ASIC2: variants seen among roughly 807,000 people sequenced by gnomAD.
ASIC2 encodes acid-sensing ion channel 2.
In ASIC2, 25 loss-of-function variants were observed where a neutral mutation model predicts 57.3. The ratio of observed to expected loss-of-function variants is 0.44; its 90% CI spans 0.32 to 0.61. ASIC2 has a LOEUF of 0.61. Ranked by LOEUF, ASIC2 falls within the 20% of genes least tolerant of loss-of-function variation. The pLI, the probability that ASIC2 is intolerant of heterozygous loss-of-function variation, is 0.06. For missense variants in ASIC2, 641 were observed against 738.1 expected (o/e 0.87, Z 1.52); for synonymous variants, 319 against 307.5 (o/e 1.04, Z -0.39).
chr17:33,931,362 A>G (rs1346382633), intron 1 of ASIC2: 3 of 152,210 alleles, frequency 2.0e-5, no homozygotes, highest in Non-Finnish European at 2.9e-5. Context: ...ATGCTTTTCC[A>G]TACAATGTCT....
At chr17:33,870,029 G>T (rs942199336) in intron 1 of ASIC2, among the ~76,000 whole-genome samples, 1 of 152,134 alleles carries the variant, frequency 6.6e-6, no homozygotes. Flanking sequence ...GACACAGGGA[G>T]CATAGCAGAA....
At chr17:33,194,763 C>A (rs1490679081) in intron 1 of ASIC2, among the ~76,000 whole-genome samples, 1 of 152,160 alleles carries the variant, frequency 6.6e-6, no homozygotes, top group Non-Finnish European at 1.5e-5. Flanking sequence ...AAAACCAAGA[C>A]CACTGGCAAA....
chr17:33,745,514 CAA>C (rs34946574), intron 1 of ASIC2, among the ~76,000 whole-genome samples: 4 of 135,986 alleles, frequency 2.9e-5, no homozygotes, highest in African/African-American at 2.8e-5. Flanking sequence ...AAGTCAAAGT[CAA>C]AAAAAAAAAA....
rs1044093973 is a variant in ASIC2 at position 33,881,600 on chromosome 17, T to G, written c.555+274378A>C. 8.1e-4 allele frequency among the ~76,000 whole-genome samples: 123 copies of G among 152,046 alleles called. 2 individuals carry two copies. Among genetic ancestry groups the G allele is most frequent in the Middle Eastern group, 3.4e-3 (1 of 290 alleles). ...AGGAGAACTACAAACCACTGCTCAA[T>G]GAAATAAAAGAGGATACAAACAAAT... is the stretch of plus-strand genomic sequence containing the variant. On this transcript the variant is annotated intron_variant, in intron 1 of 9. Transcript: ENST00000359872.
chr17:33,457,046 A>T (rs538141707), intron 1 of ASIC2, among the ~76,000 whole-genome samples: 28 of 152,320 alleles, frequency 1.8e-4, no homozygotes, highest in African/African-American at 6.5e-4. Context: ...TAATTTCTTT[A>T]AGCTTCAGTT....
At chr17:33,852,516 A>T (rs1333086753) in intron 1 of ASIC2, among the ~76,000 whole-genome samples, 1 of 151,730 alleles carries the variant, frequency 6.6e-6, no homozygotes, top group African/African-American at 2.4e-5. Context: ...ATTTTACATG[A>T]TCTTAATCCA....
intron 1 of ASIC2, among the ~76,000 whole-genome samples, chr17:33,283,288 G>A (rs1458664798): frequency 6.6e-6 from 1 of 151,990 alleles, no homozygotes; most frequent in Non-Finnish European, 1.5e-5. Context: ...GCATTCACAG[G>A]GCTTCCAGGA....
At chr17:33,075,686 C>T (rs2092086508) in intron 3 of ASIC2, among the ~76,000 whole-genome samples, 1 of 152,178 alleles carries the variant, frequency 6.6e-6, no homozygotes, top group Non-Finnish European at 1.5e-5. Context: ...TGGGGGCTCA[C>T]TTCAATTCCA....
intron 1 of ASIC2, among the ~76,000 whole-genome samples, chr17:33,314,125 A>G (rs1354395098): frequency 6.6e-6 from 1 of 152,138 alleles, no homozygotes; most frequent in African/African-American, 2.4e-5. Flanking sequence ...CTTTGTGTCT[A>G]TACTCTTTGT....
intron 1 of ASIC2, among the ~76,000 whole-genome samples, chr17:33,126,817 C>T (rs2092324759): frequency 6.6e-6 from 1 of 150,676 alleles, no homozygotes. Context: ...AGACTTATGC[C>T]ACATGTCAGG....
intron 1 of ASIC2, among the ~76,000 whole-genome samples, chr17:33,754,053 A>G (rs1910513243): frequency 6.6e-6 from 1 of 152,120 alleles, no homozygotes; most frequent in African/African-American, 2.4e-5. Context: ...TCAATTTTAA[A>G]AACAAAAAAT....
intron 1 of ASIC2, among the ~76,000 whole-genome samples, chr17:34,147,823 T>C (rs533420703): frequency 3.4e-4 from 52 of 152,250 alleles, no homozygotes; most frequent in African/African-American, 1.2e-3. Context: ...ACTCAGGTGG[T>C]ATCGTTTTAG....
intron 1 of ASIC2, among the ~76,000 whole-genome samples, chr17:33,385,788 G>C (rs1282153260): frequency 6.6e-6 from 1 of 152,186 alleles, no homozygotes; most frequent in African/African-American, 2.4e-5. Flanking sequence ...CACAAACTCT[G>C]CAGTTTGTGT....
intron 1 of ASIC2, among the ~76,000 whole-genome samples, chr17:33,434,342 T>C (rs117946470): frequency 7.0e-4 from 107 of 152,200 alleles, no homozygotes; most frequent in Non-Finnish European, 1.1e-3. Context: ...TAAATCTGCA[T>C]ATAGAAAGAA....
chr17:33,548,068 G>T (rs933694190), intron 1 of ASIC2, among the ~76,000 whole-genome samples: 1 of 152,122 alleles, frequency 6.6e-6, no homozygotes, highest in African/African-American at 2.4e-5. Flanking sequence ...GAAATTGTGT[G>T]ATAATTATAT....
chr17:33,835,523 C>T (rs923577863), intron 1 of ASIC2, among the ~76,000 whole-genome samples: 1 of 152,198 alleles, frequency 6.6e-6, no homozygotes, highest in African/African-American at 2.4e-5. Context: ...CCTTAGATTT[C>T]CACAATACCA....
chr17:33,861,966 T>G (rs1030485003), intron 1 of ASIC2, among the ~76,000 whole-genome samples: 1 of 152,216 alleles, frequency 6.6e-6, no homozygotes, highest in Non-Finnish European at 1.5e-5. Context: ...GCCTCCACCT[T>G]TCTGGTCCCT....
intron 1 of ASIC2, among the ~76,000 whole-genome samples, chr17:33,279,849 T>C (rs1452723293): frequency 6.6e-6 from 1 of 152,208 alleles, no homozygotes; most frequent in Non-Finnish European, 1.5e-5. Context: ...TTCGGTTTCC[T>C]CATTGGTAAA....
At chr17:33,129,417 A>G (rs1284044727) in intron 1 of ASIC2, among the ~76,000 whole-genome samples, 7 of 152,252 alleles carry the variant, frequency 4.6e-5, no homozygotes, top group Non-Finnish European at 8.8e-5. Context: ...TGCTATCTGC[A>G]AATATTTGAA....
Sources: allele counts gnomAD v4.1 joint callset (sites outside exome capture counted in the v4.1 genomes callset), GRCh38; gene constraint gnomAD v4.1.1; transcripts MANE v1.5; gene names NCBI Gene and HGNC (gene_info 2026-07-23, HGNC 2026-07-21).